Variants in PDZRN3 observed in about 807,000 individuals in gnomAD.
The protein encoded by PDZRN3 is PDZ domain containing ring finger 3.
A neutral mutation model predicts 85.7 loss-of-function variants in PDZRN3; 38 were observed. The ratio of observed to expected loss-of-function variants is 0.44; its 90% CI spans 0.34 to 0.58. PDZRN3 has a LOEUF of 0.58. Among genes scored for constraint, PDZRN3 ranks in the 20% least tolerant of loss-of-function variants. The pLI, the probability that PDZRN3 is intolerant of heterozygous loss-of-function variation, is 0.01. For missense variants in PDZRN3, 1,629 were observed against 1,506.4 expected (o/e 1.08, Z -1.35); for synonymous variants, 759 against 638.0 (o/e 1.19, Z -2.86).
intron 3 of PDZRN3, among the ~76,000 whole-genome samples, chr3:73,541,013 T>C (rs1054288871): frequency 2.6e-5 from 4 of 152,254 alleles, no homozygotes. Flanking sequence ...TACTCTAATG[T>C]ATGCTAAAAC....
At chr3:73,408,323 C>T in intron 3 of PDZRN3, 1 of 646,290 alleles carries the variant, frequency 1.5e-6, no homozygotes, top group East Asian at 2.8e-5. Flanking sequence ...AGATAACTTA[C>T]TGGTAATGCC....
At chr3:73,436,949 G>C (rs537273290) in intron 3 of PDZRN3, among the ~76,000 whole-genome samples, 2 of 151,874 alleles carry the variant, frequency 1.3e-5, no homozygotes, top group East Asian at 1.9e-4. Flanking sequence ...GGGAGGCTGA[G>C]GCAGGGTAAT....
chr3:73,440,222 T>C (rs939501035), intron 3 of PDZRN3, among the ~76,000 whole-genome samples: 1 of 152,002 alleles, frequency 6.6e-6, no homozygotes, highest in Admixed American at 6.6e-5. Context: ...GTTTTTACAA[T>C]AACATGGAGA....
chr3:73,389,794 C>G, intron 7 of PDZRN3, 22 bp downstream of exon 7: 1 of 1,573,600 alleles, frequency 6.4e-7, no homozygotes, highest in Non-Finnish European at 8.7e-7. Context: ...ATCATGAGGC[C>G]ATTGTTTGGA....
At chr3:73,469,366 C>T (rs1471347012) in intron 3 of PDZRN3, among the ~76,000 whole-genome samples, 6 of 152,316 alleles carry the variant, frequency 3.9e-5, no homozygotes, top group Admixed American at 3.3e-4. Flanking sequence ...CCACCACTCC[C>T]GGTCATGATT....
At chr3:73,532,083 G>A (rs1389995452) in intron 3 of PDZRN3, among the ~76,000 whole-genome samples, 1 of 152,142 alleles carries the variant, frequency 6.6e-6, no homozygotes, top group Non-Finnish European at 1.5e-5. Flanking sequence ...CTCACTGCAA[G>A]CTCTGCTTCC....
chr3:73,481,717 T>C (rs1202974970), intron 3 of PDZRN3, among the ~76,000 whole-genome samples: 1 of 152,208 alleles, frequency 6.6e-6, no homozygotes, highest in Admixed American at 6.5e-5. Flanking sequence ...CTTACTCTTA[T>C]TTCTTGCCCT....
rs1553689624 is a variant in PDZRN3 at position 73,443,498 on chromosome 3, T to TGGG, written c.919-39106_919-39104dup. 2.1e-3 allele frequency among the ~76,000 whole-genome samples: 276 copies of TGGG among 128,714 alleles called. 1 individual carries two copies. Among genetic ancestry groups the TGGG allele is most frequent in the African/African-American group, 4.8e-3 (122 of 25,180 alleles). The allele number at this position is 128,714 out of a possible 152,430, so 84.4% of individuals were successfully genotyped here. ...CTTTTTCTTTTTTTTTTTTTTTTTT[T>TGGG]GGGGGGGGGACAGCGCTTGCTTTGT... On this transcript the variant is annotated intron_variant, in intron 3 of 9. Transcript: ENST00000263666.
chr3:73,606,762 C>T (rs1035211238), intron 2 of PDZRN3, among the ~76,000 whole-genome samples: 1 of 152,148 alleles, frequency 6.6e-6, no homozygotes, highest in African/African-American at 2.4e-5. Flanking sequence ...TAATGTTCAT[C>T]ATTTTAACAA....
At chr3:73,615,254 A>G (rs1277681031) in intron 1 of PDZRN3, among the ~76,000 whole-genome samples, 1 of 152,186 alleles carries the variant, frequency 6.6e-6, no homozygotes, top group Non-Finnish European at 1.5e-5. Flanking sequence ...AAAAATCCAT[A>G]AATGTCTAAT....
At position 73,485,363 on chromosome 3, in the gene PDZRN3, A is replaced by C. The variant is rs13319211; in HGVS notation, c.919-80968T>G. 1.3e-3 allele frequency among the ~76,000 whole-genome samples: 200 copies of C among 151,066 alleles called. 1 individual carries two copies. Among genetic ancestry groups the C allele is most frequent in the African/African-American group, 4.6e-3 (192 of 41,376 alleles). ...TAATATTTTAATAGCATCATCGTGG[A>C]ATAAGAAATACTTTCCTCAAACTCT... On this transcript the variant is annotated intron_variant, in intron 3 of 9. Transcript: ENST00000263666.
chr3:73,608,440 C>T (rs1013457690), intron 2 of PDZRN3, among the ~76,000 whole-genome samples, 158 bp downstream of exon 2: 2 of 152,162 alleles, frequency 1.3e-5, no homozygotes, highest in Admixed American at 1.3e-4. Context: ...ATAAAAATCC[C>T]TAAGTGTGAA....
chr3:73,580,664 A>G lies in PDZRN3; in HGVS notation c.918+21690T>C, dbSNP rs982988136. 3.3e-5 allele frequency among the ~76,000 whole-genome samples: 5 copies of G among 152,172 alleles called. No homozygotes were observed. In the East Asian group the frequency reaches 9.6e-4, roughly 29 times the overall value. ...GGTTTAGTGACTCAAGTAACAACAG[A>G]GCCTCTTCTGTGGCTGGACCTGTTT... On this transcript the variant is annotated intron_variant, in intron 3 of 9. Coordinates refer to ENST00000263666, the MANE Select transcript of PDZRN3 (RefSeq NM_015009.3).
chr3:73,396,392 T>A (rs1158472563), intron 5 of PDZRN3, among the ~76,000 whole-genome samples: 1 of 152,010 alleles, frequency 6.6e-6, no homozygotes, highest in South Asian at 2.1e-4. Flanking sequence ...GTACAAAAAA[T>A]GGCAAAGACC....
chr3:73,430,661 A>G (rs1045112500), intron 3 of PDZRN3, among the ~76,000 whole-genome samples: 2 of 152,190 alleles, frequency 1.3e-5, no homozygotes, highest in African/African-American at 2.4e-5. Context: ...ACAGAGCCAC[A>G]GACTTTCCCA....
At chr3:73,583,431 T>C (rs897531608) in intron 3 of PDZRN3, among the ~76,000 whole-genome samples, 1 of 152,194 alleles carries the variant, frequency 6.6e-6, no homozygotes, top group African/African-American at 2.4e-5. Flanking sequence ...AGGCTAGCAG[T>C]TGATATTCTC....
At chr3:73,440,760 A>G (rs6773366) in intron 3 of PDZRN3, among the ~76,000 whole-genome samples, 32,283 of 152,172 alleles carry the variant, frequency 0.21, 7,023 homozygotes, top group African/African-American at 0.56. Context: ...CGGGGATGGG[A>G]CAGGGAAGTG....
rs144179541 is a variant in PDZRN3, at chr3:73,495,675, C to G, written c.919-91280G>C. Among the ~76,000 whole-genome samples the G allele has an allele frequency of 8.4e-3, 885 of 105,238 alleles. 6 individuals carry two copies. The highest frequency in any genetic ancestry group is 0.061 in the Middle Eastern group (12 of 198). The allele number at this position is 105,238 out of a possible 152,430, so 69.0% of individuals were successfully genotyped here. The stretch of plus-strand genomic sequence containing the variant: ...ACATCGAGGCATAAGCCTCTTTACA[C>G]ACATAAGGCTAGAACTTCTCTAGGA... On this transcript the variant is annotated intron_variant, in intron 3 of 9. Coordinates refer to ENST00000263666, the MANE Select transcript of PDZRN3 (RefSeq NM_015009.3).
chr3:73,566,264 A>G (rs1283091359), intron 3 of PDZRN3, among the ~76,000 whole-genome samples: 3 of 152,178 alleles, frequency 2.0e-5, no homozygotes, highest in African/African-American at 7.2e-5. Flanking sequence ...ATTGCAGAAA[A>G]CCTCAGCGAT....
Sources: gnomAD v4.1 joint callset for allele counts (sites outside exome capture counted in the v4.1 genomes callset) on GRCh38, gnomAD v4.1.1 for gene constraint, MANE v1.5 for transcripts, NCBI Gene and HGNC (gene_info 2026-07-23, HGNC 2026-07-21) for gene names.